BICD1: variants seen among roughly 807,000 people sequenced by gnomAD.
The protein encoded by BICD1 is protein bicaudal D homolog 1.
In BICD1, 35 loss-of-function variants were observed where a neutral mutation model predicts 92.5. The observed-to-expected ratio is 0.38, with a 90% CI of 0.29 to 0.50. The LOEUF (loss-of-function observed/expected upper bound fraction) is 0.50. Ranked by LOEUF, BICD1 falls within the 20% of genes least tolerant of loss-of-function variation. BICD1 has a pLI of 0.93. For synonymous variants in BICD1, 429 were observed against 465.1 expected (o/e 0.92, Z 1.00); for missense variants, 950 against 1,189.8 (o/e 0.80, Z 2.97).
chr12:32,375,810 C>T (rs576072782), intron 9 of BICD1, among the ~76,000 whole-genome samples: 96 of 151,832 alleles, frequency 6.3e-4, no homozygotes, highest in Non-Finnish European at 1.3e-3. Flanking sequence ...ATTTCAGTAC[C>T]AAAGATAAAA....
chr12:32,366,806 G>A (rs760714362), intron 8 of BICD1, among the ~76,000 whole-genome samples: 3 of 152,140 alleles, frequency 2.0e-5, no homozygotes, highest in Non-Finnish European at 2.9e-5. Flanking sequence ...GAAATATGAC[G>A]TATATGCATT....
At chr12:32,336,105 G>A (rs572522400) in intron 6 of BICD1, among the ~76,000 whole-genome samples, 9 of 152,166 alleles carry the variant, frequency 5.9e-5, no homozygotes, top group African/African-American at 1.9e-4. Flanking sequence ...GCGAGACTCC[G>A]TCTCAAAAAT....
At chr12:32,180,524 TTTC>T (rs1944240956) in intron 1 of BICD1, among the ~76,000 whole-genome samples, 1 of 151,968 alleles carries the variant, frequency 6.6e-6, no homozygotes, top group Admixed American at 6.6e-5. Context: ...TCTTCATTGA[TTTC>T]TTCAAAGGAT....
intron 2 of BICD1, among the ~76,000 whole-genome samples, chr12:32,225,123 A>G (rs1945641490): frequency 6.6e-6 from 1 of 152,232 alleles, no homozygotes; most frequent in Non-Finnish European, 1.5e-5. Flanking sequence ...CTCCCACCTC[A>G]GCCTCTGATA....
At chr12:32,147,504 A>G (rs1201864880) in intron 1 of BICD1, among the ~76,000 whole-genome samples, 5 of 152,152 alleles carry the variant, frequency 3.3e-5, no homozygotes, top group African/African-American at 9.7e-5. Context: ...TTTTTATGCT[A>G]TTTTAAAGTT....
intron 4 of BICD1, among the ~76,000 whole-genome samples, chr12:32,322,055 A>C (rs912887169): frequency 5.3e-5 from 8 of 152,152 alleles, no homozygotes; most frequent in Non-Finnish European, 1.2e-4. Flanking sequence ...TGCTCTTTGA[A>C]ATCCAAATAC....
rs1372474438 is a variant in BICD1, at chr12:32,130,160, TC to T, written c.213+22619del. Among the ~76,000 whole-genome samples, 16 of 152,292 alleles carry T rather than the reference TC, an allele frequency of 1.1e-4. 1 individual carries two copies. Among genetic ancestry groups the T allele is most frequent in the African/African-American group, 2.6e-4 (11 of 41,562 alleles). On this transcript the variant is annotated intron_variant, in intron 1 of 9. Coordinates refer to ENST00000652176, the MANE Select transcript of BICD1 (RefSeq NM_001714.4). Reference sequence around the variant, plus strand: ...GTAAATTAAGGAAGTTTACTTTTTTTCCCATTAATTTACAAAAATTTTAAAT... The same window carrying T: ...GTAAATTAAGGAAGTTTACTTTTTTTCCATTAATTTACAAAAATTTTAAAT...
intron 1 of BICD1, among the ~76,000 whole-genome samples, chr12:32,169,808 TTGAACTCCTGGGCTCAAG>T (rs1046343155): frequency 6.6e-6 from 1 of 152,154 alleles, no homozygotes; most frequent in Non-Finnish European, 1.5e-5. Flanking sequence ...CAGGCTGGTC[TTGAACTCCTGGGCTCAAG>T]TGATCCTCCT....
In BICD1 at chr12:32,118,556, C is replaced by G. The variant is rs538432967; in HGVS notation, c.213+11012C>G. On this transcript the variant is annotated intron_variant, in intron 1 of 9. Coordinates refer to ENST00000652176, the MANE Select transcript of BICD1 (RefSeq NM_001714.4). The stretch of plus-strand genomic sequence containing the variant: ...TTCCCTGAATAATTCAGCATAACAG[C>G]TATTTACATAGCATTTACATCGTAT... Among the ~76,000 whole-genome samples the G allele has an allele frequency of 2.6e-4, 39 of 152,266 alleles. 1 individual carries two copies. The highest frequency in any genetic ancestry group is 9.1e-4 in the African/African-American group (38 of 41,546).
intron 1 of BICD1, among the ~76,000 whole-genome samples, chr12:32,192,620 G>A (rs1944609050): frequency 6.6e-6 from 1 of 152,166 alleles, no homozygotes; most frequent in African/African-American, 2.4e-5. Flanking sequence ...GACTGAGAGA[G>A]GCAGTGCTAT....
rs182373326 is a variant in BICD1 at position 32,107,280 on chromosome 12, G to A, written c.-52G>A. On this transcript the variant is annotated 5_prime_UTR_variant, in exon 1 of 10. Transcript: ENST00000652176. Reference sequence around the variant, plus strand: ...CCTTCTCCCTTTCCCCGCCAGCTTCGCATCCATCTCCCCCACCCCGTAACC... The same window carrying A: ...CCTTCTCCCTTTCCCCGCCAGCTTCACATCCATCTCCCCCACCCCGTAACC... 1.2e-3 allele frequency: 1,773 copies of A among 1,457,774 alleles called. 8 individuals are homozygous for A. Among genetic ancestry groups the A allele is most frequent in the Non-Finnish European group, 9.9e-4 (1,060 of 1,068,852 alleles). The allele number at this position is 1,457,774 out of a possible 1,614,324, so 90.3% of individuals were successfully genotyped here.
chr12:32,236,309 C>T (rs974943636), intron 2 of BICD1, among the ~76,000 whole-genome samples: 8 of 151,866 alleles, frequency 5.3e-5, no homozygotes, highest in African/African-American at 1.5e-4. Flanking sequence ...GCAGGAGAAT[C>T]GCTTGAACTG....
chr12:32,299,671 C>T (rs1217449747), intron 3 of BICD1, among the ~76,000 whole-genome samples: 1 of 152,004 alleles, frequency 6.6e-6, no homozygotes, highest in Non-Finnish European at 1.5e-5. Context: ...GCTTGGGCAA[C>T]ATAGTGAGAC....
intron 2 of BICD1, among the ~76,000 whole-genome samples, chr12:32,241,948 A>G (rs1946247225): frequency 6.6e-6 from 1 of 152,082 alleles, no homozygotes; most frequent in Non-Finnish European, 1.5e-5. Context: ...TAATCCTACC[A>G]CTTTGGAAGG....
At chr12:32,141,324 G>GT in intron 1 of BICD1, among the ~76,000 whole-genome samples, 1 of 136,314 alleles carries the variant, frequency 7.3e-6, no homozygotes. Flanking sequence ...TTATATTTCT[G>GT]ATTTTTTTTT....
At chr12:32,367,609 T>C in intron 8 of BICD1, 61 bp from the exon 9 acceptor site, 1 of 1,502,520 alleles carries the variant, frequency 6.7e-7, no homozygotes, top group Non-Finnish European at 9.2e-7. Context: ...TTAGTCACTG[T>C]TACTAACACC....
chr12:32,134,565 G>C (rs1326204684), intron 1 of BICD1, among the ~76,000 whole-genome samples: 1 of 152,182 alleles, frequency 6.6e-6, no homozygotes, highest in Non-Finnish European at 1.5e-5. Flanking sequence ...TTCCCTGTTG[G>C]CTCATCATGA....
intron 2 of BICD1, among the ~76,000 whole-genome samples, chr12:32,218,890 G>A (rs997198336): frequency 6.6e-6 from 1 of 152,104 alleles, no homozygotes; most frequent in Non-Finnish European, 1.5e-5. Flanking sequence ...CTGTACCTAA[G>A]AGAATTATTA....
At chr12:32,324,950 C>T (rs978119971) in intron 4 of BICD1, among the ~76,000 whole-genome samples, 5 of 152,206 alleles carry the variant, frequency 3.3e-5, no homozygotes, top group African/African-American at 1.2e-4. Context: ...CATCTAAAGT[C>T]CCTCAAACAG....
Sources: allele counts gnomAD v4.1 joint callset (sites outside exome capture counted in the v4.1 genomes callset), GRCh38; gene constraint gnomAD v4.1.1; transcripts MANE v1.5; gene names NCBI Gene and HGNC (gene_info 2026-07-23, HGNC 2026-07-21).